Variants in NCAPD3 observed in about 807,000 individuals in gnomAD.
NCAPD3 encodes the protein condensin-2 complex subunit D3.
A neutral mutation model predicts 182.9 loss-of-function variants in NCAPD3; 105 were observed. That is an observed-to-expected ratio of 0.57 (90% confidence interval 0.49 to 0.68). The LOEUF is 0.68. NCAPD3 is among the 30% of genes least tolerant of loss of function. The pLI, the probability that NCAPD3 is intolerant of heterozygous loss-of-function variation, is 0.00. For synonymous variants in NCAPD3, 815 were observed against 679.9 expected (o/e 1.20, Z -3.09); for missense variants, 1,944 against 1,837.0 (o/e 1.06, Z -1.07).
At chr11:134,225,454 T>C (rs752838567), upstream of NCAPD3, 2 of 1,119,520 alleles carry the variant, frequency 1.8e-6, no homozygotes, top group South Asian at 2.6e-5. Context: ...GCTTGTCAAC[T>C]GCAGTCTGAG....
intron 3 of NCAPD3, among the ~76,000 whole-genome samples, chr11:134,216,137 T>TAG (rs1371044824): frequency 1.3e-5 from 2 of 152,178 alleles, no homozygotes; most frequent in Non-Finnish European, 2.9e-5. Flanking sequence ...CAAAATCCTT[T>TAG]AGGAACTTAC....
intron 4 of NCAPD3, 96 bp downstream of exon 4, chr11:134,210,174 T>A: frequency 9.3e-7 from 1 of 1,078,200 alleles, no homozygotes; most frequent in Non-Finnish European, 1.4e-6. Flanking sequence ...TTGCCTATAA[T>A]CATGATGCCT....
At chr11:134,168,439 C>T (rs1169880531) in intron 26 of NCAPD3, 30 bp downstream of exon 26, 2 of 1,612,276 alleles carry the variant, frequency 1.2e-6, no homozygotes, top group Non-Finnish European at 1.7e-6. Context: ...TGCAAACACA[C>T]ACATTTTCTC....
chr11:134,175,870 T>C (rs1407840411), intron 24 of NCAPD3, among the ~76,000 whole-genome samples: 2 of 152,212 alleles, frequency 1.3e-5, no homozygotes, highest in Non-Finnish European at 2.9e-5. Flanking sequence ...TTCCACATTG[T>C]GCAATTTCAT....
intron 28 of NCAPD3, 95 bp from the exon 29 acceptor site, chr11:134,160,169 T>A: frequency 8.1e-7 from 1 of 1,237,970 alleles, no homozygotes. Flanking sequence ...GTAACAAACC[T>A]GCACATCCTG....
chr11:134,182,168 C>T (rs538079945), intron 19 of NCAPD3, among the ~76,000 whole-genome samples: 12 of 152,268 alleles, frequency 7.9e-5, no homozygotes, highest in Non-Finnish European at 1.3e-4. Flanking sequence ...TAGTAAGTTT[C>T]GGTATCACAG....
At chr11:134,223,463 T>A in intron 1 of NCAPD3, 1 of 702,568 alleles carries the variant, frequency 1.4e-6, no homozygotes, top group Non-Finnish European at 2.6e-6. Context: ...GATGTCTGCA[T>A]GTGAGACATC....
At chr11:134,222,534 CAT>C (rs1165763883) in intron 1 of NCAPD3, among the ~76,000 whole-genome samples, 1 of 152,140 alleles carries the variant, frequency 6.6e-6, no homozygotes, top group Non-Finnish European at 1.5e-5. Context: ...TTTTGTGAAA[CAT>C]AATGTGTATA....
At chr11:134,172,856 AC>A (rs1381720023) in intron 24 of NCAPD3, among the ~76,000 whole-genome samples, 1 of 152,024 alleles carries the variant, frequency 6.6e-6, no homozygotes. Flanking sequence ...ACCTAATGCT[AC>A]AAAAAATAAA....
intron 3 of NCAPD3, among the ~76,000 whole-genome samples, chr11:134,211,650 G>A (rs1169085937): frequency 6.6e-6 from 1 of 151,664 alleles, no homozygotes; most frequent in South Asian, 2.1e-4. Flanking sequence ...CAACCTTAAA[G>A]CAGCTCAAGA....
In NCAPD3 at chr11:134,157,872, T is replaced by TC. The variant is rs1943467028; in HGVS notation, c.4174+55dup. The TC allele has an allele frequency of 3.3e-6, 5 of 1,534,056 alleles. No individual in the cohort carries two copies. The Admixed American group carries it at 9.6e-5, about 30-fold the overall frequency. On this transcript the variant is annotated intron_variant, in intron 31 of 34. Transcript: ENST00000534548. Reference sequence around the variant, plus strand: ...TTGAAAGGAATAAGAAGTAGCTTGTTCTGTGTTTTCATCTGTAAATGCTCT... The same window carrying TC: ...TTGAAAGGAATAAGAAGTAGCTTGTTCCTGTGTTTTCATCTGTAAATGCTCT...
chr11:134,192,429 A>G (rs1944541889), intron 16 of NCAPD3, among the ~76,000 whole-genome samples: 1 of 152,238 alleles, frequency 6.6e-6, no homozygotes, highest in South Asian at 2.1e-4. Flanking sequence ...TGTCTACTAC[A>G]TATGAAGACA....
intron 29 of NCAPD3, 24 bp from the exon 30 acceptor site, chr11:134,158,519 G>A: frequency 6.2e-7 from 1 of 1,605,256 alleles, no homozygotes; most frequent in Non-Finnish European, 8.5e-7. Flanking sequence ...TAAAGAGTAT[G>A]TACATTCTAA....
intron 3 of NCAPD3, among the ~76,000 whole-genome samples, chr11:134,213,984 C>A (rs1052869535): frequency 3.9e-5 from 6 of 152,002 alleles, no homozygotes; most frequent in African/African-American, 1.4e-4. Flanking sequence ...GAGATTCCAA[C>A]ATTCCTCTCT....
intron 1 of NCAPD3, 137 bp downstream of exon 1, chr11:134,223,726 C>T: frequency 9.5e-7 from 1 of 1,053,818 alleles, no homozygotes; most frequent in African/African-American, 1.6e-5. Flanking sequence ...TGGCACGGCC[C>T]TGGGGACCCC....
At chr11:134,222,066 G>C (rs1253590834) in intron 1 of NCAPD3, among the ~76,000 whole-genome samples, 2 of 152,156 alleles carry the variant, frequency 1.3e-5, no homozygotes, top group Non-Finnish European at 2.9e-5. Flanking sequence ...ATCTAATTTG[G>C]ATGGCAGTAA....
In NCAPD3 at chr11:134,206,670, T is replaced by C; in HGVS notation, c.945A>G (p.Gly315=). Residue 315 remains glycine (G), a synonymous_variant, in exon 8 of 35, where the codon GGA becomes GGG. Transcript: ENST00000534548. ...SVILMLEVGE[G]SHRAPLAVTS... is the part of the protein sequence containing the mutation. ...TAACAGCAAGGGGGGCACGATGGGA[T>C]CCTTCACCAACTTCTAACATTAATA... 1 of 1,613,666 alleles carries C rather than the reference T, an allele frequency of 6.2e-7. No individual in the cohort carries two copies. Among genetic ancestry groups the C allele is most frequent in the Non-Finnish European group, 8.5e-7 (1 of 1,179,742 alleles).
At chr11:134,185,777 A>T (rs1214004643) in intron 16 of NCAPD3, among the ~76,000 whole-genome samples, 1 of 152,220 alleles carries the variant, frequency 6.6e-6, no homozygotes, top group East Asian at 1.9e-4. Context: ...TAAAGAATAA[A>T]ATTTCACAAT....
intron 3 of NCAPD3, among the ~76,000 whole-genome samples, chr11:134,211,599 ACAGCC>A (rs1937834056): frequency 6.6e-6 from 1 of 152,232 alleles, no homozygotes; most frequent in Non-Finnish European, 1.5e-5. Flanking sequence ...GTCAATAAAA[ACAGCC>A]CAGGAAATGA....
Sources: gnomAD v4.1 joint callset for allele counts (sites outside exome capture counted in the v4.1 genomes callset) on GRCh38, gnomAD v4.1.1 for gene constraint, MANE v1.5 for transcripts, NCBI Gene and HGNC (gene_info 2026-07-23, HGNC 2026-07-21) for gene names.